TBC1D2: variants seen among roughly 807,000 people sequenced by gnomAD.
TBC1D2 encodes TBC1 domain family member 2.
In TBC1D2, 58 loss-of-function variants were observed where a neutral mutation model predicts 91.1. The observed-to-expected ratio is 0.64, with a 90% CI of 0.52 to 0.79. The LOEUF is 0.79. Among genes scored for constraint, TBC1D2 ranks in the 30% least tolerant of loss-of-function variants. The pLI, the probability that TBC1D2 is intolerant of heterozygous loss-of-function variation, is 0.00. For missense variants in TBC1D2, 1,080 were observed against 1,208.3 expected, an observed-to-expected ratio of 0.89 and a Z score of 1.57; for synonymous variants, 482 against 511.5, an observed-to-expected ratio of 0.94 and a Z score of 0.78.
Position 98,201,463 on chromosome 9 carries a change from C to T in TBC1D2, c.2457+16G>A. 6.2e-7 allele frequency: 1 copy of T among 1,609,360 alleles called. No homozygotes were observed. The highest frequency in any genetic ancestry group is 1.3e-5 in the African/African-American group (1 of 74,976). ...TTGCTCAGGGGCCCCCTGCCCATCC[C>T]CTGGCTGCACCCTACCTTCGTCCCC... On this transcript the variant is annotated intron_variant, in intron 11 of 12. Transcript: ENST00000465784.
intron 1 of TBC1D2, 134 bp from the exon 2 acceptor site, chr9:98,252,060 A>G (rs1187614610): frequency 8.6e-7 from 1 of 1,158,198 alleles, no homozygotes; most frequent in African/African-American, 1.6e-5. Flanking sequence ...CACTGTAGGT[A>G]TGTATGCTTC....
At chr9:98,229,521 G>T (rs978361336) in intron 4 of TBC1D2, among the ~76,000 whole-genome samples, 2 of 152,228 alleles carry the variant, frequency 1.3e-5, no homozygotes, top group Non-Finnish European at 2.9e-5. Flanking sequence ...TCAGGCACAA[G>T]CCCTGGCAGG....
chr9:98,200,314 G>C lies in TBC1D2; in HGVS notation c.2518C>G (p.Gln840Glu). The change falls in exon 12 of 13, where the codon CAG (glutamine) becomes GAG (glutamate). Residue 840 changes from glutamine (Q) to glutamate (E), a missense_variant. Gln to Glu is a conservative substitution (Grantham distance 29). Transcript: ENST00000465784. ...KYNEKEILRL[Q>E]NGLEIYQYLR... is the part of the protein sequence containing the mutation. ...TACTGGTAGATTTCCAGGCCATTCT[G>C]TAGCCTCAAGATCTCCTTCTCGTTG... is the stretch of plus-strand genomic sequence containing the variant. 1 of 1,613,702 alleles carries C rather than the reference G, an allele frequency of 6.2e-7. No individual in the cohort carries two copies. Among genetic ancestry groups the C allele is most frequent in the Non-Finnish European group, 8.5e-7 (1 of 1,179,942 alleles).
At chr9:98,253,801 T>A (rs1829917454) in intron 1 of TBC1D2, among the ~76,000 whole-genome samples, 1 of 152,182 alleles carries the variant, frequency 6.6e-6, no homozygotes, top group Non-Finnish European at 1.5e-5. Flanking sequence ...CACATGTCTC[T>A]ACAGAACATT....
intron 11 of TBC1D2, 34 bp downstream of exon 11, chr9:98,201,445 G>C (rs1588025098): frequency 9.4e-6 from 15 of 1,600,730 alleles, no homozygotes; most frequent in Non-Finnish European, 1.3e-5. Context: ...GACTTGCTCA[G>C]GGGCCCCCTG....
chr9:98,233,871 AC>A (rs1289879354), intron 3 of TBC1D2, among the ~76,000 whole-genome samples: 1 of 152,220 alleles, frequency 6.6e-6, no homozygotes, highest in Admixed American at 6.5e-5. Context: ...TAACTGATGC[AC>A]CTACAATGCC....
rs3059560 is a variant in TBC1D2 at position 98,209,756 on chromosome 9, T to TTTCCTTCCTTCCTTCCTTCCTTCC, written c.1674-636_1674-613dup. On this transcript the variant is annotated intron_variant, in intron 8 of 12. Coordinates refer to ENST00000465784, the MANE Select transcript of TBC1D2 (RefSeq NM_001267571.2). Reference sequence around the variant, plus strand: ...TTCCTTCTTTCCTTTCCTTCCTTCCTTTCCTTCCTTCCTTCCTTCCTTCCT... The same window carrying TTTCCTTCCTTCCTTCCTTCCTTCC: ...TTCCTTCTTTCCTTTCCTTCCTTCCTTTCCTTCCTTCCTTCCTTCCTTCCTTCCTTCCTTCCTTCCTTCCTTCCT... 5.3e-3 allele frequency among the ~76,000 whole-genome samples: 563 copies of TTTCCTTCCTTCCTTCCTTCCTTCC among 105,550 alleles called. 2 individuals carry two copies. Among genetic ancestry groups the TTTCCTTCCTTCCTTCCTTCCTTCC allele is most frequent in the African/African-American group, 9.1e-3 (220 of 24,046 alleles). 69.2% of individuals were successfully genotyped at this position (105,550 alleles called of 152,430 possible). A position where few individuals can be genotyped will look rare whatever the true frequency, so the allele number is the denominator to read the frequency against.
Position 98,199,588 on chromosome 9 carries a change from C to T in TBC1D2, c.2580G>A (p.Arg860=), listed in dbSNP as rs750514378. 32 of 1,613,816 alleles carry T rather than the reference C, an allele frequency of 2.0e-5. No homozygotes were observed. The highest frequency in any genetic ancestry group is 1.3e-5 in the African/African-American group (1 of 74,934). The part of the protein sequence containing the change: ...RFFTKTISNS[R]KLMNIAFNDM... ...CATTGAAGGCGATGTTCATCAGCTT[C>T]CTGGGAGGAGGGCACAATCAGCCCA... Residue 860 remains arginine (R), a splice_region_variant and synonymous_variant, in exon 13 of 13, where the codon CGG becomes CGA. Coordinates refer to ENST00000465784, the MANE Select transcript of TBC1D2 (RefSeq NM_001267571.2).
chr9:98,251,916 T>C lies in TBC1D2; in HGVS notation c.380A>G (p.Lys127Arg). The C allele has an allele frequency of 6.3e-7, 1 of 1,599,420 alleles. No homozygotes were observed. Among genetic ancestry groups the C allele is most frequent in the Non-Finnish European group, 8.5e-7 (1 of 1,173,902 alleles). ...SRVITLKAAT[K>R]QAMLYWLQQL... ...CTGCAGCCAGTACAGCATCGCTTGCTTGGTGGCGGCCTGAGAAGCACAAGG... is the reference window on the plus strand; with the variant it reads ...CTGCAGCCAGTACAGCATCGCTTGCCTGGTGGCGGCCTGAGAAGCACAAGG... The change falls in exon 2 of 13, where the codon AAG becomes AGG. Residue 127 changes from lysine to arginine, a missense_variant. Lys to Arg is a conservative substitution (Grantham distance 26). Coordinates refer to ENST00000465784, the MANE Select transcript of TBC1D2 (RefSeq NM_001267571.2).
At chr9:98,235,295 A>C (rs1201184698) in intron 3 of TBC1D2, 1 of 389,634 alleles carries the variant, frequency 2.6e-6, no homozygotes, top group Non-Finnish European at 5.1e-6. Flanking sequence ...TATTGTTTAC[A>C]TAACAGATGG....
chr9:98,210,789 G>C lies in TBC1D2; in HGVS notation c.1540C>G (p.Leu514Val), dbSNP rs1242447259. 15 of 1,555,180 alleles carry C rather than the reference G, an allele frequency of 9.6e-6. No homozygotes were observed. Among genetic ancestry groups the C allele is most frequent in the Non-Finnish European group, 8.7e-7 (1 of 1,149,054 alleles). ...CQVESKYLAG[L>V]RRLQEALGDE... ...CCCAGGGCCTCCTGCAGCCTTCTCA[G>C]ACCGGCCAGGTACTTGCTTTCCACC... is the stretch of plus-strand genomic sequence containing the variant. Residue 514 changes from leucine to valine, a missense_variant, in exon 8 of 13, where the codon CTG becomes GTG. Transcript: ENST00000465784.
chr9:98,208,898 G>C lies in TBC1D2; in HGVS notation c.1920C>G (p.His640Gln). 1 of 1,614,152 alleles carries C rather than the reference G, an allele frequency of 6.2e-7. No homozygotes were observed. The highest frequency in any genetic ancestry group is 8.5e-7 in the Non-Finnish European group (1 of 1,180,004). Reference sequence around the variant, plus strand: ...GAGTGTGCAGGTGCTGGACACGGAGGTGGACCAGCCACCTCCAGACACGAG... The same window carrying C: ...GAGTGTGCAGGTGCTGGACACGGAGCTGGACCAGCCACCTCCAGACACGAG... ...HRPRVWRWLV[H>Q]LRVQHLHTPG... The change falls in exon 9 of 13, where the codon CAC (histidine) becomes CAG (glutamine). Residue 640 changes from histidine (H) to glutamine (Q), a missense_variant. Coordinates refer to ENST00000465784, the MANE Select transcript of TBC1D2 (RefSeq NM_001267571.2).
In TBC1D2 at chr9:98,220,866, G is replaced by A. The variant is rs766557404; in HGVS notation, c.1341C>T (p.Phe447=). The A allele has an allele frequency of 6.8e-6, 11 of 1,614,180 alleles. 1 individual carries two copies. The South Asian group carries it at 1.2e-4, about 18-fold the overall frequency. The change falls in exon 6 of 13, where the codon TTC becomes TTT. Residue 447 remains phenylalanine, a synonymous_variant. Transcript: ENST00000465784. ...PLRPDAANRD[F]LSQQGKIEHL... ...GCTCTATCTTCCCCTGCTGGCTCAG[G>A]AAGTCCCTGTTGGCAGCGTCGGGGC...
chr9:98,236,043 G>GA lies in TBC1D2; in HGVS notation c.648-2495dup, dbSNP rs752712702. On this transcript the variant is annotated intron_variant, in intron 3 of 12. Transcript: ENST00000465784. ...AGAGTGAGACTCCATCTCAAAAGAG[G>GA]AAAAAAAAAAATCAGGGAGTTGTCA... Among the ~76,000 whole-genome samples the GA allele has an allele frequency of 3.5e-3, 491 of 140,250 alleles. 2 individuals are homozygous for GA. Among genetic ancestry groups the GA allele is most frequent in the Non-Finnish European group, 5.2e-3 (334 of 64,042 alleles). The allele number at this position is 140,250 out of a possible 152,430, so 92.0% of individuals were successfully genotyped here. A position where few individuals can be genotyped will look rare whatever the true frequency, so the allele number is the denominator to read the frequency against.
rs376244283 is a variant in TBC1D2, at chr9:98,221,193, G to A, written c.1014C>T (p.Ala338=). ...TGGACGCCCGCTTCTCCTGCTGGGC[G>A]GCCTCCAGTGCCTTGTGCAGGATCT... ...LVKILHKALE[A]AQQEKRASSA... Residue 338 remains alanine (A), a synonymous_variant, in exon 6 of 13, where the codon GCC becomes GCT. Coordinates refer to ENST00000465784, the MANE Select transcript of TBC1D2 (RefSeq NM_001267571.2). 83 of 1,554,720 alleles carry A rather than the reference G, an allele frequency of 5.3e-5. No homozygotes were observed. In the African/African-American group the frequency reaches 8.5e-4, roughly 16 times the overall value.
Position 98,251,326 on chromosome 9 carries a change from G to C in TBC1D2, c.511+459C>G, listed in dbSNP as rs182306062. The stretch of plus-strand genomic sequence containing the variant: ...AAAGTCACTGATCTACCCAACTCAC[G>C]ACACAAATCTACAACACTGCATTTT... On this transcript the variant is annotated intron_variant, in intron 2 of 12. Transcript: ENST00000465784. Among the ~76,000 whole-genome samples the C allele has an allele frequency of 2.0e-5, 3 of 150,456 alleles. No homozygotes were observed. The South Asian group carries it at 6.3e-4, about 32-fold the overall frequency.
chr9:98,236,096 C>A (rs892657023), intron 3 of TBC1D2, among the ~76,000 whole-genome samples: 2 of 151,822 alleles, frequency 1.3e-5, no homozygotes, highest in East Asian at 3.9e-4. Context: ...ACAAAACATA[C>A]ACATATCTTA....
chr9:98,233,708 G>T (rs1480901494), intron 3 of TBC1D2, among the ~76,000 whole-genome samples, 159 bp from the exon 4 acceptor site: 3 of 152,150 alleles, frequency 2.0e-5, no homozygotes, highest in Non-Finnish European at 4.4e-5. Context: ...GCCTCCCCAT[G>T]CATGGCACTC....
intron 12 of TBC1D2, 87 bp downstream of exon 12, chr9:98,200,166 C>G: frequency 1.3e-6 from 2 of 1,559,762 alleles, no homozygotes; most frequent in Non-Finnish European, 1.7e-6. Flanking sequence ...TTACCAATCT[C>G]TACTTGGCAA....
Sources: allele counts gnomAD v4.1 joint callset (sites outside exome capture counted in the v4.1 genomes callset), GRCh38; gene constraint gnomAD v4.1.1; transcripts MANE v1.5; gene names NCBI Gene and HGNC (gene_info 2026-07-23, HGNC 2026-07-21).